The following TBC1D22A variants were observed in gnomAD, a reference collection of about 807,000 sequenced individuals.
TBC1D22A encodes the protein putative GTPase activator.
TBC1D22A carries 38 observed loss-of-function variants against 60.2 expected under a neutral mutation model. The observed-to-expected ratio is 0.63, with a 90% CI of 0.49 to 0.83. The LOEUF (loss-of-function observed/expected upper bound fraction) is 0.83, where lower values mean the gene tolerates loss of function less well. Ranked by LOEUF, TBC1D22A falls within the 40% of genes least tolerant of loss-of-function variation. The pLI is 0.00. For synonymous variants in TBC1D22A, 302 were observed against 281.7 expected, an observed-to-expected ratio of 1.07 and a Z score of -0.72; for missense variants, 628 against 701.0, an observed-to-expected ratio of 0.90 and a Z score of 1.18.
At chr22:46,967,857 A>G (rs758438012) in intron 8 of TBC1D22A, among the ~76,000 whole-genome samples, 1 of 151,582 alleles carries the variant, frequency 6.6e-6, no homozygotes. Flanking sequence ...ATTACAAGCT[A>G]TGATTCCATT....
At chr22:47,014,778 C>A (rs780436013) in intron 10 of TBC1D22A, among the ~76,000 whole-genome samples, 6 of 151,356 alleles carry the variant, frequency 4.0e-5, no homozygotes, top group Non-Finnish European at 8.8e-5. Flanking sequence ...TCCAGCGCGG[C>A]CTGTGTGTGG....
rs780921459 is a variant in TBC1D22A, at chr22:47,123,196, G to T, written c.1425+11593G>T. 6.8e-4 allele frequency among the ~76,000 whole-genome samples: 103 copies of T among 152,080 alleles called. 1 individual carries two copies. Among genetic ancestry groups the T allele is most frequent in the Admixed American group, 2.0e-4 (3 of 15,272 alleles). ...CCTGGCCACCCAGCCCTTCCCTTTG[G>T]CCTGAAAACAGAGAGCACCAGCTGC... On this transcript the variant is annotated intron_variant, in intron 12 of 12. Coordinates refer to ENST00000337137, the MANE Select transcript of TBC1D22A (RefSeq NM_014346.5).
At chr22:46,927,686 C>A (rs1042980176) in intron 8 of TBC1D22A, among the ~76,000 whole-genome samples, 13 of 152,158 alleles carry the variant, frequency 8.5e-5, no homozygotes, top group African/African-American at 3.1e-4. Context: ...TGTAGAAAAT[C>A]CCCAAGGAAT....
In TBC1D22A at chr22:47,173,903, A is replaced by G. The variant is rs1483384473; in HGVS notation, c.*277A>G. Reference sequence around the variant, plus strand: ...AGGGGTCCCCTCTCCCTCTCCCTGCAATGTCCTTGCCAAATGACTGCCTCG... The same window carrying G: ...AGGGGTCCCCTCTCCCTCTCCCTGCGATGTCCTTGCCAAATGACTGCCTCG... On this transcript the variant is annotated 3_prime_UTR_variant, in exon 13 of 13. Transcript: ENST00000337137. 11 of 391,444 alleles carry G rather than the reference A, an allele frequency of 2.8e-5. No homozygotes were observed. The East Asian group carries it at 4.5e-4, about 16-fold the overall frequency. 24.2% of individuals were successfully genotyped at this position (391,444 alleles called of 1,614,324 possible).
chr22:46,825,259 GC>G (rs1279556706), intron 4 of TBC1D22A, among the ~76,000 whole-genome samples: 2 of 152,200 alleles, frequency 1.3e-5, no homozygotes, highest in Non-Finnish European at 2.9e-5. Context: ...TCTTAGAGGT[GC>G]CTTTTTCTTC....
At chr22:46,978,201 ATG>A (rs2074379245) in intron 9 of TBC1D22A, among the ~76,000 whole-genome samples, 1 of 152,220 alleles carries the variant, frequency 6.6e-6, no homozygotes, top group Non-Finnish European at 1.5e-5. Flanking sequence ...TGCCATTGAC[ATG>A]CCCAGGCCTG....
chr22:46,994,896 G>A (rs770661219), intron 9 of TBC1D22A, among the ~76,000 whole-genome samples: 11 of 152,198 alleles, frequency 7.2e-5, no homozygotes, highest in Non-Finnish European at 1.3e-4. Flanking sequence ...CAGGACCAAA[G>A]ATGATGACAG....
chr22:46,907,625 A>T (rs1436170555), intron 7 of TBC1D22A, among the ~76,000 whole-genome samples: 1 of 152,108 alleles, frequency 6.6e-6, no homozygotes, highest in Non-Finnish European at 1.5e-5. Flanking sequence ...CGCCTCCACC[A>T]TCTGCGCCTC....
chr22:46,959,383 G>A (rs1001340985), intron 8 of TBC1D22A, among the ~76,000 whole-genome samples: 2 of 152,188 alleles, frequency 1.3e-5, no homozygotes, highest in South Asian at 2.1e-4. Context: ...GTTGGTTGGC[G>A]GGGCCAGGTG....
At chr22:46,941,816 A>AGAATATATG (rs2072160964) in intron 8 of TBC1D22A, among the ~76,000 whole-genome samples, 2 of 101,154 alleles carry the variant, frequency 2.0e-5, no homozygotes, top group African/African-American at 7.1e-5. Context: ...TATAGAATAT[A>AGAATATATG]TATAGAATAT....
intron 8 of TBC1D22A, among the ~76,000 whole-genome samples, chr22:46,924,965 T>C (rs2070968631): frequency 6.6e-6 from 1 of 152,166 alleles, no homozygotes; most frequent in Non-Finnish European, 1.5e-5. Context: ...GAGAACATGC[T>C]CACAGCTGGA....
chr22:46,912,015 ATTTTAAAG>A, intron 7 of TBC1D22A, 51 bp from the exon 8 acceptor site: 1 of 1,160,992 alleles, frequency 8.6e-7, no homozygotes, highest in Non-Finnish European at 1.3e-6. Context: ...GAATGCTTTC[ATTTTAAAG>A]TTTCTGCCAT....
chr22:46,915,337 G>A (rs368420482), intron 8 of TBC1D22A: 4 of 450,054 alleles, frequency 8.9e-6, no homozygotes, highest in East Asian at 7.0e-5. Flanking sequence ...TCTTCAAGCC[G>A]GTAAACCTCA....
intron 12 of TBC1D22A, among the ~76,000 whole-genome samples, chr22:47,150,787 C>T (rs1210140349): frequency 2.0e-5 from 3 of 152,130 alleles, no homozygotes; most frequent in South Asian, 2.1e-4. Context: ...CCCCCAGCAT[C>T]GTCCCCTGCA....
chr22:47,093,574 A>G (rs4823464), intron 11 of TBC1D22A, among the ~76,000 whole-genome samples: 51,228 of 151,878 alleles, frequency 0.34, 9,077 homozygotes, highest in East Asian at 0.57. Flanking sequence ...TTCCCAGTGC[A>G]TGTTGATTTT....
intron 1 of TBC1D22A, among the ~76,000 whole-genome samples, chr22:46,783,812 A>G (rs1172617573): frequency 1.3e-5 from 2 of 152,034 alleles, no homozygotes; most frequent in Non-Finnish European, 2.9e-5. Flanking sequence ...TATTCAGTCA[A>G]TGGGCATCTA....
intron 1 of TBC1D22A, among the ~76,000 whole-genome samples, chr22:46,776,468 C>T (rs1376782395): frequency 6.6e-6 from 1 of 151,836 alleles, no homozygotes; most frequent in African/African-American, 2.4e-5. Flanking sequence ...AGGTGAGGGT[C>T]AGTGTTCAGG....
In TBC1D22A at chr22:46,777,513, C is replaced by G. The variant is rs191327182; in HGVS notation, c.62+14665C>G. 6.6e-6 allele frequency among the ~76,000 whole-genome samples: 1 copy of G among 151,956 alleles called. No homozygotes were observed. Among genetic ancestry groups the G allele is most frequent in the Non-Finnish European group, 1.5e-5 (1 of 68,024 alleles). On this transcript the variant is annotated intron_variant, in intron 1 of 12. Transcript: ENST00000337137. The surrounding 1 kb of genome is among the most constrained non-coding windows in gnomAD (Gnocchi z 4.5). The stretch of plus-strand genomic sequence containing the variant: ...GGCACGTGTTTGAGAACCGTTTACT[C>G]GGGTGGAGGAGGTCAGGAGAGAGCA...
chr22:47,083,482 A>G (rs889899539), intron 11 of TBC1D22A, among the ~76,000 whole-genome samples: 1 of 152,126 alleles, frequency 6.6e-6, no homozygotes, highest in Non-Finnish European at 1.5e-5. Context: ...AGTACTTGGG[A>G]CAAAAGGAAA....
Sources: allele counts gnomAD v4.1 joint callset (sites outside exome capture counted in the v4.1 genomes callset), GRCh38; gene constraint gnomAD v4.1.1; non-coding constraint Gnocchi (gnomAD v3.1); transcripts MANE v1.5; gene names NCBI Gene and HGNC (gene_info 2026-07-23, HGNC 2026-07-21).